The following SLC14A2 variants were observed in gnomAD, a reference collection of about 807,000 sequenced individuals.
SLC14A2 encodes the protein solute carrier family 14 member 2.
In SLC14A2, 91 loss-of-function variants were observed where a neutral mutation model predicts 104.6. The ratio of observed to expected loss-of-function variants is 0.87; its 90% CI spans 0.73 to 1.04. The LOEUF (loss-of-function observed/expected upper bound fraction) is 1.04, where lower values mean the gene tolerates loss of function less well. Among genes scored for constraint, SLC14A2 ranks in the 50% least tolerant of loss-of-function variants. The pLI, the probability that SLC14A2 is intolerant of heterozygous loss-of-function variation, is 0.00. For missense variants in SLC14A2, 1,189 were observed against 1,156.0 expected (o/e 1.03, Z -0.41); for synonymous variants, 476 against 466.4 (o/e 1.02, Z -0.27).
chr18:45,337,502 C>G (rs1354642354), intron 1 of SLC14A2, among the ~76,000 whole-genome samples: 1 of 152,140 alleles, frequency 6.6e-6, no homozygotes, highest in Non-Finnish European at 1.5e-5. Flanking sequence ...CCTAAACTTC[C>G]TCAACCAACT....
intron 2 of SLC14A2, among the ~76,000 whole-genome samples, chr18:45,606,748 CAAAACAAAAACAAAAAA>C (rs1166969757): frequency 1.1e-5 from 1 of 87,804 alleles, no homozygotes; most frequent in Non-Finnish European, 2.4e-5. Context: ...AAAAAAAAAA[CAAAACAAAAACAAAAAA>C]AAAAAACACT....
intron 2 of SLC14A2, chr18:45,515,707 T>G (rs1033883217): frequency 6.6e-6 from 1 of 152,222 alleles, no homozygotes; most frequent in African/African-American, 2.4e-5. Flanking sequence ...GTGCAACTCA[T>G]CCCTGTGGAT....
chr18:45,227,329 G>A (rs1437717103), intron 1 of SLC14A2, among the ~76,000 whole-genome samples: 5 of 152,188 alleles, frequency 3.3e-5, no homozygotes, highest in Non-Finnish European at 5.9e-5. Flanking sequence ...GGAGAAAGTT[G>A]CAAGAATGAT....
At chr18:45,206,233 T>C in the SLC14A2 span, among the ~76,000 whole-genome samples, 1 of 152,216 alleles carries the variant, frequency 6.6e-6, no homozygotes, top group African/African-American at 2.4e-5. Context: ...GCTCAGTCAC[T>C]GGAGAACATA....
intron 1 of SLC14A2, among the ~76,000 whole-genome samples, chr18:45,393,072 G>A (rs1219179639): frequency 1.3e-5 from 2 of 152,176 alleles, no homozygotes; most frequent in Admixed American, 1.3e-4. Flanking sequence ...ATTGACCTTA[G>A]AGTATAGGTT....
chr18:45,295,303 T>TC (rs2144176950), intron 1 of SLC14A2, among the ~76,000 whole-genome samples: 1 of 95,222 alleles, frequency 1.1e-5, no homozygotes, highest in African/African-American at 5.4e-5. Flanking sequence ...TTTTAAAGCA[T>TC]TTTTTTTTTT....
chr18:45,274,747 T>C (rs2084684920), intron 1 of SLC14A2, among the ~76,000 whole-genome samples: 2 of 152,186 alleles, frequency 1.3e-5, no homozygotes, highest in Admixed American at 1.3e-4. Flanking sequence ...CCCAAGGGAG[T>C]CTGGCCCACT....
At chr18:45,407,425 CT>C (rs2086167306) in intron 1 of SLC14A2, among the ~76,000 whole-genome samples, 1 of 152,178 alleles carries the variant, frequency 6.6e-6, no homozygotes, top group African/African-American at 2.4e-5. Flanking sequence ...CTGGGTTGAT[CT>C]TCTATCTAGA....
chr18:45,677,289 C>T (rs915065282), intron 18 of SLC14A2, among the ~76,000 whole-genome samples: 4 of 152,156 alleles, frequency 2.6e-5, no homozygotes, highest in African/African-American at 9.7e-5. Context: ...GCTCTGGGTC[C>T]CAGGGAAGAT....
At chr18:45,655,012 T>C (rs952406825) in intron 10 of SLC14A2, among the ~76,000 whole-genome samples, 5 of 152,218 alleles carry the variant, frequency 3.3e-5, no homozygotes, top group Non-Finnish European at 7.3e-5. Context: ...CCACGGAAGA[T>C]GCTTCTGCTC....
intron 1 of SLC14A2, among the ~76,000 whole-genome samples, chr18:45,328,380 G>A (rs1416299176): frequency 6.6e-6 from 1 of 152,128 alleles, no homozygotes; most frequent in African/African-American, 2.4e-5. Flanking sequence ...CAGGAATGAT[G>A]GACAAAGCCA....
intron 4 of SLC14A2, among the ~76,000 whole-genome samples, chr18:45,629,226 G>A (rs941458396): frequency 6.6e-6 from 1 of 152,212 alleles, no homozygotes; most frequent in Non-Finnish European, 1.5e-5. Flanking sequence ...TGGCCCTGGT[G>A]AGAAGTTGCT....
intron 2 of SLC14A2, among the ~76,000 whole-genome samples, chr18:45,550,810 G>T (rs887320286): frequency 6.6e-6 from 1 of 152,178 alleles, no homozygotes; most frequent in Non-Finnish European, 1.5e-5. Flanking sequence ...TTCTGGGACA[G>T]GTCCTGTGAT....
chr18:45,531,108 A>G (rs1430735232), intron 2 of SLC14A2, among the ~76,000 whole-genome samples: 1 of 152,192 alleles, frequency 6.6e-6, no homozygotes. Flanking sequence ...ATTGTTGGAC[A>G]TTTGGGTTGG....
At chr18:45,209,369 A>G (rs1011077290), upstream of SLC14A2, among the ~76,000 whole-genome samples, 3 of 151,690 alleles carry the variant, frequency 2.0e-5, no homozygotes, top group African/African-American at 7.3e-5. Flanking sequence ...AACAACAACA[A>G]CAACAACAAC....
chr18:45,284,966 T>C (rs925638035), intron 1 of SLC14A2, among the ~76,000 whole-genome samples: 1 of 152,018 alleles, frequency 6.6e-6, no homozygotes, highest in Non-Finnish European at 1.5e-5. Flanking sequence ...CCTGATGGGA[T>C]AGAAAGGCTC....
At chr18:45,387,563 G>A (rs1265528268) in intron 1 of SLC14A2, among the ~76,000 whole-genome samples, 1 of 152,138 alleles carries the variant, frequency 6.6e-6, no homozygotes, top group Non-Finnish European at 1.5e-5. Flanking sequence ...TCACAATTAT[G>A]TTATCTCTCT....
intron 2 of SLC14A2, among the ~76,000 whole-genome samples, chr18:45,530,915 G>A (rs997452944): frequency 1.3e-4 from 19 of 151,050 alleles, no homozygotes; most frequent in Non-Finnish European, 2.1e-4. Context: ...TGTTCTCATT[G>A]TTCAGTTCCC....
At chr18:45,319,722 AT>A (rs1384724809) in intron 1 of SLC14A2, among the ~76,000 whole-genome samples, 18 of 152,292 alleles carry the variant, frequency 1.2e-4, no homozygotes, top group South Asian at 6.2e-4. Flanking sequence ...CCCTCCCAAC[AT>A]ACTTGATCTG....
Sources: allele counts gnomAD v4.1 joint callset (sites outside exome capture counted in the v4.1 genomes callset), GRCh38; gene constraint gnomAD v4.1.1; transcripts MANE v1.5; gene names NCBI Gene and HGNC (gene_info 2026-07-23, HGNC 2026-07-21).